ZBED1: variants seen among roughly 807,000 people sequenced by gnomAD.
The protein encoded by ZBED1 is zinc finger BED-type containing 1.
Under a neutral mutation model 49.7 loss-of-function variants are expected in ZBED1, and 19 were observed. That is an observed-to-expected ratio of 0.38 (90% CI 0.27 to 0.56). ZBED1 has a LOEUF of 0.56. Ranked by LOEUF, ZBED1 falls within the 20% of genes least tolerant of loss-of-function variation. The pLI, the probability that ZBED1 is intolerant of heterozygous loss-of-function variation, is 0.70. For missense variants in ZBED1, 806 were observed against 972.6 expected (o/e 0.83, Z 2.28); for synonymous variants, 439 against 440.3 (o/e 1.00, Z 0.04).
chrX:2,489,771 T>TGCGGCAGCGCG lies in ZBED1; in HGVS notation c.938_948dup (p.Lys317ArgfsTer35). 6.2e-7 allele frequency: 1 copy of TGCGGCAGCGCG among 1,613,370 alleles called. No homozygotes were observed. Among genetic ancestry groups the TGCGGCAGCGCG allele is most frequent in the Non-Finnish European group, 8.5e-7 (1 of 1,179,868 alleles). ...GACTGCTGGAAGTACTCCACCAGTT[T>TGCGGCAGCGCG]GCGGCAGCGCGACAGCAGCGCCCCC... On this transcript the variant is annotated frameshift_variant, in exon 2 of 2. Coordinates refer to ENST00000652001, the MANE Select transcript of ZBED1 (RefSeq NM_001171136.2). LOFTEE classifies it high-confidence loss of function.
intron 1 of ZBED1, among the ~76,000 whole-genome samples, chrX:2,494,924 A>G (rs1215340551): frequency 6.6e-6 from 1 of 151,836 alleles, no homozygotes; most frequent in Non-Finnish European, 1.5e-5. Flanking sequence ...TTTGGCTGAA[A>G]GAGCTCCCAG....
At position 2,486,923 on chromosome X, in the gene ZBED1, C is replaced by T. The variant is rs1326563884; in HGVS notation, c.*1712G>A. 6.6e-6 allele frequency: 1 copy of T among 152,208 alleles called. No homozygotes were observed. The highest frequency in any genetic ancestry group is 1.5e-5 in the Non-Finnish European group (1 of 68,070). 9.4% of individuals were successfully genotyped at this position (152,208 alleles called of 1,614,324 possible). A position where few individuals can be genotyped will look rare whatever the true frequency, so the allele number is the denominator to read the frequency against. On this transcript the variant is annotated 3_prime_UTR_variant, in exon 2 of 2. Transcript: ENST00000652001. Reference sequence around the variant, plus strand: ...CGTGAAAGGCAGGTAGTTCCTTTGCCCTCTGACACCCCGAGTTCTTGGGGT... The same window carrying T: ...CGTGAAAGGCAGGTAGTTCCTTTGCTCTCTGACACCCCGAGTTCTTGGGGT...
At chrX:2,492,177 T>C (rs1370754952) in intron 1 of ZBED1, among the ~76,000 whole-genome samples, 3 of 152,134 alleles carry the variant, frequency 2.0e-5, no homozygotes. Flanking sequence ...TATGGGACCT[T>C]GTTTGGAAAA....
intron 1 of ZBED1, among the ~76,000 whole-genome samples, chrX:2,493,352 C>T (rs2045206333): frequency 6.6e-6 from 1 of 152,028 alleles, no homozygotes; most frequent in Admixed American, 6.6e-5. Flanking sequence ...TTGGCTGAAA[C>T]AGGTTTTGGT....
rs192878688 is a variant in ZBED1, at chrX:2,499,842, C to G, written c.-54+975G>C. Reference sequence around the variant, plus strand: ...GGAAGATCGCTTGAGCCCAGGAGTTCGAGACCAGCCTGAGCAACATAGCAA... The same window carrying G: ...GGAAGATCGCTTGAGCCCAGGAGTTGGAGACCAGCCTGAGCAACATAGCAA... On this transcript the variant is annotated intron_variant, in intron 1 of 1. Coordinates refer to ENST00000652001, the MANE Select transcript of ZBED1 (RefSeq NM_001171136.2). Among the ~76,000 whole-genome samples the G allele has an allele frequency of 1.6e-3, 241 of 152,104 alleles. 2 individuals carry two copies. Among genetic ancestry groups the G allele is most frequent in the African/African-American group, 5.6e-3 (233 of 41,482 alleles).
intron 1 of ZBED1, among the ~76,000 whole-genome samples, chrX:2,498,838 G>A (rs2124144559): frequency 6.6e-6 from 1 of 152,258 alleles, no homozygotes; most frequent in South Asian, 2.1e-4. Context: ...TTGTTCAGCA[G>A]CTGTAAACCG....
At position 2,489,863 on chromosome X, in the gene ZBED1, A is replaced by T. The variant is rs2045078474; in HGVS notation, c.857T>A (p.Val286Glu). The T allele has an allele frequency of 5.0e-6, 8 of 1,613,764 alleles. No homozygotes were observed. In the East Asian group the frequency reaches 1.8e-4, roughly 36 times the overall value. The change falls in exon 2 of 2, where the codon GTG (valine) becomes GAG (glutamate). Residue 286 changes from valine (V) to glutamate (E), a missense_variant. Val to Glu is a moderately radical substitution (Grantham distance 121). Around this residue, in one of 2 missense-constraint regions of ZBED1, gnomAD observed 749 missense variants for 861.3 expected, o/e 0.87. Coordinates refer to ENST00000652001, the MANE Select transcript of ZBED1 (RefSeq NM_001171136.2). Reference sequence around the variant, plus strand: ...GGTGTGGCCCAGGCAGGGCATGTGCACTGCGACGTCCAGCAGGGAGCACGC... The same window carrying T: ...GGTGTGGCCCAGGCAGGGCATGTGCTCTGCGACGTCCAGCAGGGAGCACGC... ...VKACSLLDVA[V>E]HMPCLGHTFN...
In ZBED1 at chrX:2,489,763, C is replaced by T. The variant is rs2045073606; in HGVS notation, c.957G>A (p.Val319=). The change falls in exon 2 of 2, where the codon GTG becomes GTA. Residue 319 remains valine (V), a synonymous_variant. Transcript: ENST00000652001. ...CCACGGCAGACTGCTGGAAGTACTC[C>T]ACCAGTTTGCGGCAGCGCGACAGCA... is the stretch of plus-strand genomic sequence containing the variant. ...GALLSRCRKL[V]EYFQQSAVAM... 5.6e-6 allele frequency: 9 copies of T among 1,613,260 alleles called. No homozygotes were observed. Among genetic ancestry groups the T allele is most frequent in the Non-Finnish European group, 7.6e-6 (9 of 1,179,880 alleles).
Position 2,488,458 on chromosome X carries a change from A to T in ZBED1, c.*177T>A. 1 of 825,666 alleles carries T rather than the reference A, an allele frequency of 1.2e-6. No individual in the cohort carries two copies. Among genetic ancestry groups the T allele is most frequent in the Non-Finnish European group, 1.8e-6 (1 of 554,884 alleles). 51.1% of individuals were successfully genotyped at this position (825,666 alleles called of 1,614,324 possible). A position where few individuals can be genotyped will look rare whatever the true frequency, so the allele number is the denominator to read the frequency against. On this transcript the variant is annotated 3_prime_UTR_variant, in exon 2 of 2. Transcript: ENST00000652001. ...CCAAAGTGCTGCGATTATAGACAGG[A>T]GCCACCGCCCCCGACCCTCTCTCAC...
intron 1 of ZBED1, among the ~76,000 whole-genome samples, chrX:2,494,882 G>A (rs2045243449): frequency 1.3e-5 from 2 of 151,658 alleles, no homozygotes; most frequent in African/African-American, 4.8e-5. Context: ...CTGGTACTGT[G>A]AACAAAGGTT....
chrX:2,494,399 T>C (rs1297147489), intron 1 of ZBED1, among the ~76,000 whole-genome samples: 2 of 151,966 alleles, frequency 1.3e-5, no homozygotes, highest in Non-Finnish European at 2.9e-5. Context: ...CTATTATTAT[T>C]ACTTTTGTTA....
chrX:2,490,525 G>A lies in ZBED1; in HGVS notation c.195C>T (p.Tyr65=). The A allele has an allele frequency of 5.6e-6, 9 of 1,613,982 alleles. No homozygotes were observed. Among genetic ancestry groups the A allele is most frequent in the Non-Finnish European group, 7.6e-6 (9 of 1,179,862 alleles). Residue 65 remains tyrosine (Y), a synonymous_variant, in exon 2 of 2, where the codon TAC becomes TAT. Transcript: ENST00000652001. ...CCTCGGGGTGGTTCTTCTCCAGGTGGTAGGACAGGTTGGAGGTGTTTCCGG... is the reference window on the plus strand; with the variant it reads ...CCTCGGGGTGGTTCTTCTCCAGGTGATAGGACAGGTTGGAGGTGTTTCCGG... ...AYSGNTSNLS[Y]HLEKNHPEEF...
intron 1 of ZBED1, among the ~76,000 whole-genome samples, chrX:2,491,617 T>C (rs1368201350): frequency 1.3e-5 from 2 of 152,140 alleles, no homozygotes; most frequent in Admixed American, 6.5e-5. Context: ...AGCTTTCCTA[T>C]GGCTAAGAGG....
chrX:2,497,438 C>T (rs1332705584), intron 1 of ZBED1, among the ~76,000 whole-genome samples: 4 of 152,080 alleles, frequency 2.6e-5, no homozygotes, highest in South Asian at 4.1e-4. Context: ...TTTACTTCTA[C>T]CTGATTTCTA....
chrX:2,495,649 C>T (rs1209256723), intron 1 of ZBED1, among the ~76,000 whole-genome samples: 1 of 151,166 alleles, frequency 6.6e-6, no homozygotes, highest in Non-Finnish European at 1.5e-5. Context: ...CAGTGAGTAC[C>T]CTCCTTCCTC....
intron 1 of ZBED1, among the ~76,000 whole-genome samples, chrX:2,499,657 A>G (rs2045364664): frequency 6.6e-6 from 1 of 152,176 alleles, no homozygotes; most frequent in South Asian, 2.1e-4. Context: ...CTGTAAACCC[A>G]GCACTTTGGG....
chrX:2,487,841 T>C lies in ZBED1; in HGVS notation c.*794A>G, dbSNP rs142128071. The C allele has an allele frequency of 3.9e-5, 6 of 152,094 alleles. No homozygotes were observed. In the East Asian group the frequency reaches 9.7e-4, roughly 25 times the overall value. The allele number at this position is 152,094 out of a possible 1,614,324, so 9.4% of individuals were successfully genotyped here. A position where few individuals can be genotyped will look rare whatever the true frequency, so the allele number is the denominator to read the frequency against. ...CTCTTTTTAAGAAGGGCATTTTGGCTAAAAGGTCTCTTCCCCATTTCTCAG... is the reference window on the plus strand; with the variant it reads ...CTCTTTTTAAGAAGGGCATTTTGGCCAAAAGGTCTCTTCCCCATTTCTCAG... On this transcript the variant is annotated 3_prime_UTR_variant, in exon 2 of 2. Coordinates refer to ENST00000652001, the MANE Select transcript of ZBED1 (RefSeq NM_001171136.2).
At chrX:2,493,852 G>A (rs1420449423) in intron 1 of ZBED1, among the ~76,000 whole-genome samples, 1 of 152,068 alleles carries the variant, frequency 6.6e-6, no homozygotes, top group Non-Finnish European at 1.5e-5. Context: ...CATGCCTGTA[G>A]TCCCAGCTAC....
rs772200024 is a variant in ZBED1, at chrX:2,488,602, C to T, written c.*33G>A. ...CAGCAAAGCATCCAATGGGCTGCTG[C>T]GGGGATGACTTGTAAGACAACACGC... On this transcript the variant is annotated 3_prime_UTR_variant, in exon 2 of 2. Transcript: ENST00000652001. The T allele has an allele frequency of 1.2e-4, 181 of 1,551,736 alleles. No individual in the cohort carries two copies. Among genetic ancestry groups the T allele is most frequent in the Non-Finnish European group, 1.5e-4 (171 of 1,150,990 alleles).
Sources: allele counts gnomAD v4.1 joint callset (sites outside exome capture counted in the v4.1 genomes callset), GRCh38; gene constraint gnomAD v4.1.1; regional missense constraint gnomAD v4.1.1; transcripts MANE v1.5; gene names NCBI Gene and HGNC (gene_info 2026-07-23, HGNC 2026-07-21).